CARMIL3: variants seen among roughly 807,000 people sequenced by gnomAD.
CARMIL3 encodes capping protein, Arp2/3 and myosin-I linker protein 3.
A neutral mutation model predicts 180.8 loss-of-function variants in CARMIL3; 88 were observed. The observed-to-expected ratio is 0.49, with a 90% CI of 0.41 to 0.58. The LOEUF (loss-of-function observed/expected upper bound fraction) is 0.58, where lower values mean the gene tolerates loss of function less well. CARMIL3 is among the 20% of genes least tolerant of loss of function. CARMIL3 has a pLI of 0.00. For synonymous variants in CARMIL3, 696 were observed against 714.5 expected, an observed-to-expected ratio of 0.97 and a Z score of 0.41; for missense variants, 1,548 against 1,787.0, an observed-to-expected ratio of 0.87 and a Z score of 2.41.
At chr14:24,065,521 C>A in intron 33 of CARMIL3, 101 bp from the exon 34 acceptor site, 1 of 1,491,832 alleles carries the variant, frequency 6.7e-7, no homozygotes, top group Non-Finnish European at 9.0e-7. Context: ...TTCCCCGTGG[C>A]TAGGGACTCA....
At chr14:24,062,981 C>A in intron 29 of CARMIL3, 135 bp downstream of exon 29, 2 of 1,533,922 alleles carry the variant, frequency 1.3e-6, no homozygotes, top group Non-Finnish European at 1.8e-6. Flanking sequence ...CAATCTCAAT[C>A]CAGCCCAACC....
rs881101 is a variant in CARMIL3, at chr14:24,061,260, G to C, written c.2304+220G>C. ...TTGGTCCCTGAACTCTGACCTCCCT[G>C]CTCTGGATTTGGATCCTTGGACTGA... On this transcript the variant is annotated intron_variant, in intron 26 of 39. Transcript: ENST00000342740. The surrounding 1 kb of genome is among the most constrained non-coding windows in gnomAD (Gnocchi z 4.1). 68,817 of 629,738 alleles carry C rather than the reference G, an allele frequency of 0.11. 7,828 individuals are homozygous for C. Among genetic ancestry groups the C allele is most frequent in the East Asian group, 0.49 (17,906 of 36,348 alleles). The allele number at this position is 629,738 out of a possible 1,614,324, so 39.0% of individuals were successfully genotyped here. A position where few individuals can be genotyped will look rare whatever the true frequency, so the allele number is the denominator to read the frequency against.
At position 24,054,745 on chromosome 14, in the gene CARMIL3, G is replaced by C. The variant is rs910741054; in HGVS notation, c.397G>C (p.Glu133Gln). ...LIRRGNADTP[E>Q]GPRDTSPNSE... ...CCGGCGTGGAAACGCAGACACCCCAGAGGGGCCCCGAGATACATCCCCCAA... is the reference window on the plus strand; with the variant it reads ...CCGGCGTGGAAACGCAGACACCCCACAGGGGCCCCGAGATACATCCCCCAA... Residue 133 changes from glutamate to glutamine, a missense_variant, in exon 6 of 40, where the codon GAG (glutamate) becomes CAG (glutamine). Physicochemically the swap from Glu to Gln is conservative, Grantham distance 29. Coordinates refer to ENST00000342740, the MANE Select transcript of CARMIL3 (RefSeq NM_138360.4). This position sits in a 1 kb window ranked among gnomAD's most constrained non-coding sequence, Gnocchi z 5.1. 2.5e-6 allele frequency: 4 copies of C among 1,613,992 alleles called. No individual in the cohort carries two copies. Among genetic ancestry groups the C allele is most frequent in the Non-Finnish European group, 1.7e-6 (2 of 1,180,022 alleles).
At chr14:24,066,709 A>G in intron 36 of CARMIL3, 53 bp downstream of exon 36, 1 of 1,578,684 alleles carries the variant, frequency 6.3e-7, no homozygotes, top group Non-Finnish European at 8.7e-7. Flanking sequence ...GGTGTGTCCA[A>G]AGAAACAGAA....
At chr14:24,062,597 T>G in intron 28 of CARMIL3, 30 bp downstream of exon 28, 1 of 1,613,796 alleles carries the variant, frequency 6.2e-7, no homozygotes, top group South Asian at 1.1e-5. Flanking sequence ...CTGGCCTGGC[T>G]CGGGCACGCC....
chr14:24,061,124 G>T lies in CARMIL3; in HGVS notation c.2304+84G>T. ...AGCCCAGAGCTAAAGTCAGAGCTGG[G>T]AGACTTCTGGAGGGCCAGGAGGACA... On this transcript the variant is annotated intron_variant, in intron 26 of 39. Transcript: ENST00000342740. The surrounding 1 kb of genome is among the most constrained non-coding windows in gnomAD (Gnocchi z 4.1). The T allele has an allele frequency of 8.2e-7, 1 of 1,222,466 alleles. No individual in the cohort carries two copies. 75.7% of individuals were successfully genotyped at this position (1,222,466 alleles called of 1,614,324 possible). A position where few individuals can be genotyped will look rare whatever the true frequency, so the allele number is the denominator to read the frequency against.
In CARMIL3 at chr14:24,054,522, A is replaced by T. The variant is rs763643810; in HGVS notation, c.362+11A>T. ...CTGCCCTGGCCCTGGGTGAGTGGCAAATAAGGGGTCTCTTAAGGCATTAGA... is the reference window on the plus strand; with the variant it reads ...CTGCCCTGGCCCTGGGTGAGTGGCATATAAGGGGTCTCTTAAGGCATTAGA... On this transcript the variant is annotated intron_variant, in intron 5 of 39. Transcript: ENST00000342740. The surrounding 1 kb of genome is among the most constrained non-coding windows in gnomAD (Gnocchi z 5.1). 11 of 1,603,232 alleles carry T rather than the reference A, an allele frequency of 6.9e-6. No individual in the cohort carries two copies. Among genetic ancestry groups the T allele is most frequent in the Non-Finnish European group, 6.8e-6 (8 of 1,177,502 alleles).
Position 24,057,803 on chromosome 14 carries a change from C to G in CARMIL3, c.1141C>G (p.Leu381Val). The change falls in exon 15 of 40, where the codon CTT becomes GTT. Residue 381 changes from leucine to valine, a missense_variant and splice_region_variant. By Grantham distance (32) the Leu-to-Val change is conservative (BLOSUM62 1). Coordinates refer to ENST00000342740, the MANE Select transcript of CARMIL3 (RefSeq NM_138360.4). ...LSGTDCVIDL[L>V]LGALLHGCCS... ...AGACCCACCATATCTCCCCCCACAG[C>G]TTCTCGGTGCCCTGCTCCACGGCTG... 1 of 1,608,760 alleles carries G rather than the reference C, an allele frequency of 6.2e-7. No homozygotes were observed. The highest frequency in any genetic ancestry group is 8.5e-7 in the Non-Finnish European group (1 of 1,179,446).
At chr14:24,065,470 T>G in intron 33 of CARMIL3, 152 bp from the exon 34 acceptor site, 1 of 1,197,230 alleles carries the variant, frequency 8.4e-7, no homozygotes, top group East Asian at 2.4e-5. Flanking sequence ...TATATGCGAA[T>G]GCAGGCGTTG....
chr14:24,065,723 G>C lies in CARMIL3; in HGVS notation c.3498G>C (p.Lys1166Asn). Residue 1166 changes from lysine (K) to asparagine (N), a missense_variant, in exon 34 of 40, where the codon AAG becomes AAC. Coordinates refer to ENST00000342740, the MANE Select transcript of CARMIL3 (RefSeq NM_138360.4). ...CCCTTCCCGGGTTGGAAAGAGCCAA[G>C]GGTTGGAGCTTCGATGGGAAACGAG... ...GVALPGLERAKGWSFDGKREG... is the reference protein window; with the variant it reads ...GVALPGLERANGWSFDGKREG... 1 of 1,614,116 alleles carries C rather than the reference G, an allele frequency of 6.2e-7. No individual in the cohort carries two copies. Among genetic ancestry groups the C allele is most frequent in the Non-Finnish European group, 8.5e-7 (1 of 1,179,974 alleles).
intron 31 of CARMIL3, 114 bp from the exon 32 acceptor site, chr14:24,064,132 A>C (rs2035761270): frequency 2.9e-6 from 2 of 679,290 alleles, no homozygotes; most frequent in Non-Finnish European, 2.5e-6. Flanking sequence ...CACTGGGTGA[A>C]CTGAAGTCTA....
At position 24,059,728 on chromosome 14, in the gene CARMIL3, G is replaced by A. The variant is rs2035712642; in HGVS notation, c.1864G>A (p.Glu622Lys). 1 of 1,614,054 alleles carries A rather than the reference G, an allele frequency of 6.2e-7. No individual in the cohort carries two copies. The highest frequency in any genetic ancestry group is 8.5e-7 in the Non-Finnish European group (1 of 1,179,980). ...LGFLDIARAL[E>K]SNHTLRFMSF... ...CTTCCTGGACATCGCAAGGGCCCTG[G>A]AGAGGTGAGTAGACCATGGTCCTGC... Residue 622 changes from glutamate to lysine, a missense_variant, in exon 22 of 40, where the codon GAG becomes AAG. By Grantham distance (56) the Glu-to-Lys change is moderately conservative. Coordinates refer to ENST00000342740, the MANE Select transcript of CARMIL3 (RefSeq NM_138360.4). This position sits in a 1 kb window ranked among gnomAD's most constrained non-coding sequence, Gnocchi z 6.3.
intron 1 of CARMIL3, among the ~76,000 whole-genome samples, chr14:24,052,875 G>C (rs1247558175): frequency 6.6e-6 from 1 of 152,172 alleles, no homozygotes; most frequent in Admixed American, 6.5e-5. Flanking sequence ...CGGCCACCCA[G>C]CACTGCCACA....
chr14:24,065,906 C>G (rs574148264), intron 34 of CARMIL3, among the ~76,000 whole-genome samples, 156 bp downstream of exon 34: 9 of 152,272 alleles, frequency 5.9e-5, no homozygotes, highest in Middle Eastern at 3.4e-3. Flanking sequence ...CACACACTTG[C>G]CGTGGAGCCC....
Position 24,052,029 on chromosome 14 carries a change from A to C in CARMIL3, c.-125A>C. 1 of 911,278 alleles carries C rather than the reference A, an allele frequency of 1.1e-6. No homozygotes were observed. The highest frequency in any genetic ancestry group is 2.4e-5 in the South Asian group (1 of 41,942). The allele number at this position is 911,278 out of a possible 1,614,324, so 56.4% of individuals were successfully genotyped here. A position where few individuals can be genotyped will look rare whatever the true frequency, so the allele number is the denominator to read the frequency against. Reference sequence around the variant, plus strand: ...CGCTCAAGCAGCCGCCCCTGACCGGAGCGGGCTCGGCCGCTGCTGCAGCGC... The same window carrying C: ...CGCTCAAGCAGCCGCCCCTGACCGGCGCGGGCTCGGCCGCTGCTGCAGCGC... On this transcript the variant is annotated 5_prime_UTR_variant, in exon 1 of 40. Coordinates refer to ENST00000342740, the MANE Select transcript of CARMIL3 (RefSeq NM_138360.4).
intron 29 of CARMIL3, 92 bp from the exon 30 acceptor site, chr14:24,063,028 C>G (rs533042586): frequency 1.9e-6 from 3 of 1,558,486 alleles, no homozygotes; most frequent in Admixed American, 1.7e-5. Flanking sequence ...CCCTGAGGAG[C>G]GAGGGGCAGG....
intron 30 of CARMIL3, 44 bp downstream of exon 30, chr14:24,063,227 C>T: frequency 6.2e-7 from 1 of 1,600,090 alleles, no homozygotes; most frequent in Non-Finnish European, 8.6e-7. Flanking sequence ...AGACTCCCGC[C>T]CTCTGTAGCC....
In CARMIL3 at chr14:24,066,621, G is replaced by A. The variant is rs767453231; in HGVS notation, c.3647G>A (p.Ser1216Asn). Residue 1216 changes from serine to asparagine, a missense_variant, in exon 36 of 40, where the codon AGC (serine) becomes AAC (asparagine). Ser to Asn is a conservative substitution (Grantham distance 46). Transcript: ENST00000342740. The part of the protein sequence containing the change: ...PPPQSTKPSF[S>N]AMRRAEATWH... Reference sequence around the variant, plus strand: ...CCCCAAAGCACCAAACCAAGCTTCAGCGCCATGCGCAGAGCAGAGGCCACA... The same window carrying A: ...CCCCAAAGCACCAAACCAAGCTTCAACGCCATGCGCAGAGCAGAGGCCACA... 11 of 1,614,078 alleles carry A rather than the reference G, an allele frequency of 6.8e-6. No individual in the cohort carries two copies. Among genetic ancestry groups the A allele is most frequent in the Non-Finnish European group, 6.8e-6 (8 of 1,180,042 alleles).
At position 24,055,320 on chromosome 14, in the gene CARMIL3, T is replaced by C. The variant is rs1401211356; in HGVS notation, c.605+10T>C. ...GCCACTTGGAGAGCCGGTAAGCAGA[T>C]GGGGCAGAGACTCCACCCTCAAATT... On this transcript the variant is annotated intron_variant, in intron 8 of 39. Transcript: ENST00000342740. 2.5e-6 allele frequency: 4 copies of C among 1,613,988 alleles called. No homozygotes were observed. In the East Asian group the frequency reaches 8.9e-5, roughly 36 times the overall value.
Sources: allele counts gnomAD v4.1 joint callset (sites outside exome capture counted in the v4.1 genomes callset), GRCh38; gene constraint gnomAD v4.1.1; non-coding constraint Gnocchi (gnomAD v3.1); transcripts MANE v1.5; gene names NCBI Gene and HGNC (gene_info 2026-07-23, HGNC 2026-07-21).